Variants in NEGR1 observed in about 807,000 individuals in gnomAD.
The protein encoded by NEGR1 is IgLON family member 4.
Under a neutral mutation model 40.9 loss-of-function variants are expected in NEGR1, and 10 were observed. The ratio of observed to expected loss-of-function variants is 0.24; its 90% CI spans 0.15 to 0.42. The LOEUF (loss-of-function observed/expected upper bound fraction) is 0.42. Ranked by LOEUF, NEGR1 falls within the 10% of genes least tolerant of loss-of-function variation. The probability of loss-of-function intolerance (pLI) is 1.00; values close to 1 mark genes in which losing one functional copy is unlikely to be tolerated. For synonymous variants in NEGR1, 185 were observed against 166.8 expected (o/e 1.11, Z -0.84); for missense variants, 352 against 438.9 (o/e 0.80, Z 1.77).
chr1:71,789,439 A>C (rs1657033317), intron 2 of NEGR1, among the ~76,000 whole-genome samples: 1 of 152,120 alleles, frequency 6.6e-6, no homozygotes, highest in Non-Finnish European at 1.5e-5. Flanking sequence ...ATTCATTTAC[A>C]AAGTCATTCT....
chr1:72,162,134 T>A (rs947140377), intron 1 of NEGR1, among the ~76,000 whole-genome samples: 37 of 152,020 alleles, frequency 2.4e-4, no homozygotes, highest in South Asian at 2.1e-4. Flanking sequence ...ATGTATTAAT[T>A]AAGTGCACAA....
intron 1 of NEGR1, among the ~76,000 whole-genome samples, chr1:72,269,710 A>G (rs544560018): frequency 6.6e-6 from 1 of 151,760 alleles, no homozygotes; most frequent in South Asian, 2.1e-4. Context: ...TCTGTTATCA[A>G]TAGCTTGTAA....
intron 1 of NEGR1, among the ~76,000 whole-genome samples, chr1:72,156,194 T>C (rs1357520812): frequency 6.6e-6 from 1 of 152,154 alleles, no homozygotes; most frequent in Non-Finnish European, 1.5e-5. Context: ...GTTCTGACTC[T>C]ATCTGTTTGA....
At chr1:71,813,780 T>C (rs1228093352) in intron 2 of NEGR1, among the ~76,000 whole-genome samples, 1 of 152,124 alleles carries the variant, frequency 6.6e-6, no homozygotes, top group African/African-American at 2.4e-5. Flanking sequence ...TGCACATTAA[T>C]TTTGTATCCT....
chr1:71,475,822 A>G (rs1646816065), intron 6 of NEGR1, among the ~76,000 whole-genome samples: 1 of 150,748 alleles, frequency 6.6e-6, no homozygotes, highest in Non-Finnish European at 1.5e-5. Context: ...TATCTAACTT[A>G]CTTAATTTAT....
chr1:71,431,441 A>G (rs1278772321), intron 6 of NEGR1, among the ~76,000 whole-genome samples: 1 of 152,194 alleles, frequency 6.6e-6, no homozygotes, highest in Non-Finnish European at 1.5e-5. Flanking sequence ...ACTCAGAAAA[A>G]GTAAAAGTCT....
chr1:71,555,665 G>A (rs1041761261), intron 6 of NEGR1, among the ~76,000 whole-genome samples: 6 of 151,520 alleles, frequency 4.0e-5, no homozygotes, highest in East Asian at 3.9e-4. Flanking sequence ...TAAGTCACTC[G>A]TGAACATAAG....
chr1:72,113,667 A>G (rs761282829), intron 1 of NEGR1, among the ~76,000 whole-genome samples: 64 of 151,684 alleles, frequency 4.2e-4, no homozygotes, highest in Non-Finnish European at 7.7e-4. Context: ...AATTGTACCT[A>G]CTTTAGTACA....
At chr1:71,719,309 T>G (rs957141750) in intron 3 of NEGR1, among the ~76,000 whole-genome samples, 3 of 152,184 alleles carry the variant, frequency 2.0e-5, no homozygotes, top group Non-Finnish European at 4.4e-5. Context: ...GTTCATTTCA[T>G]TTGTCACATG....
chr1:72,090,554 C>T (rs1648438891), intron 1 of NEGR1, among the ~76,000 whole-genome samples: 2 of 151,996 alleles, frequency 1.3e-5, no homozygotes, highest in Admixed American at 1.3e-4. Context: ...TATCTAAGTG[C>T]CTAATTTTTT....
intron 2 of NEGR1, among the ~76,000 whole-genome samples, chr1:71,888,211 G>C (rs948433035): frequency 6.6e-6 from 1 of 152,100 alleles, no homozygotes; most frequent in Non-Finnish European, 1.5e-5. Context: ...GTCGGGGGAG[G>C]AGCCAAGATG....
At chr1:72,054,361 T>A (rs1647091439) in intron 1 of NEGR1, among the ~76,000 whole-genome samples, 1 of 151,334 alleles carries the variant, frequency 6.6e-6, no homozygotes, top group South Asian at 2.1e-4. Flanking sequence ...TCTCTTTCCT[T>A]TGACTTTTTA....
chr1:72,138,754 G>C (rs1024308018), intron 1 of NEGR1, among the ~76,000 whole-genome samples: 3 of 151,798 alleles, frequency 2.0e-5, no homozygotes, highest in African/African-American at 2.4e-5. Flanking sequence ...AGCATAAAGA[G>C]GAAAATTCAC....
chr1:71,640,002 G>T (rs1477489680), intron 4 of NEGR1, among the ~76,000 whole-genome samples: 1 of 151,916 alleles, frequency 6.6e-6, no homozygotes, highest in Non-Finnish European at 1.5e-5. Context: ...TTCCTGAATG[G>T]TTAATTTTAG....
At chr1:71,474,301 G>A (rs1291299768) in intron 6 of NEGR1, among the ~76,000 whole-genome samples, 1 of 150,782 alleles carries the variant, frequency 6.6e-6, no homozygotes, top group Non-Finnish European at 1.5e-5. Context: ...GTGTGTGTGT[G>A]TGTGTGTGAT....
chr1:72,132,086 A>G (rs1040995289), intron 1 of NEGR1, among the ~76,000 whole-genome samples: 1 of 152,116 alleles, frequency 6.6e-6, no homozygotes, highest in South Asian at 2.1e-4. Context: ...GTGAGAGAGC[A>G]AGACTCTGTC....
At chr1:72,073,966 T>C (rs564008304) in intron 1 of NEGR1, among the ~76,000 whole-genome samples, 1 of 152,156 alleles carries the variant, frequency 6.6e-6, no homozygotes, top group South Asian at 2.1e-4. Context: ...AGTTTTGAGA[T>C]TAAAAATGGA....
At chr1:71,807,594 G>A (rs1657823947) in intron 2 of NEGR1, among the ~76,000 whole-genome samples, 1 of 152,024 alleles carries the variant, frequency 6.6e-6, no homozygotes, top group Non-Finnish European at 1.5e-5. Context: ...ACAATGCTCT[G>A]ATTTTTTATT....
intron 1 of NEGR1, among the ~76,000 whole-genome samples, chr1:72,195,171 TATA>T (rs1242569725): frequency 6.6e-6 from 1 of 151,676 alleles, no homozygotes; most frequent in African/African-American, 2.4e-5. Context: ...CGTTCATTAT[TATA>T]ATATTTTTAA....
Sources: gnomAD v4.1 joint callset for allele counts (sites outside exome capture counted in the v4.1 genomes callset) on GRCh38, gnomAD v4.1.1 for gene constraint, MANE v1.5 for transcripts, NCBI Gene and HGNC (gene_info 2026-07-23, HGNC 2026-07-21) for gene names.